SLC26A4: variants seen among roughly 807,000 people sequenced by gnomAD.
SLC26A4 encodes the protein solute carrier family 26 member 4.
In SLC26A4, 93 loss-of-function variants were observed where a neutral mutation model predicts 90.4. That is an observed-to-expected ratio of 1.03 (90% confidence interval 0.87 to 1.22). The LOEUF (loss-of-function observed/expected upper bound fraction) is 1.22, where lower values mean the gene tolerates loss of function less well. SLC26A4 is among the 50% of genes most tolerant of loss of function. The pLI is 0.00. For synonymous variants in SLC26A4, 393 were observed against 354.6 expected (o/e 1.11, Z -1.22); for missense variants, 1,127 against 946.2 (o/e 1.19, Z -2.51).
intron 10 of SLC26A4, among the ~76,000 whole-genome samples, chr7:107,694,018 C>T (rs1170809150): frequency 1.3e-5 from 2 of 152,148 alleles, no homozygotes; most frequent in African/African-American, 4.8e-5. Flanking sequence ...AAGAATACGA[C>T]AATGATCTCT....
At chr7:107,698,280 C>A (rs1295995714) in intron 14 of SLC26A4, among the ~76,000 whole-genome samples, 169 bp downstream of exon 14, 1 of 151,886 alleles carries the variant, frequency 6.6e-6, no homozygotes, top group Non-Finnish European at 1.5e-5. Flanking sequence ...TTCTGACACC[C>A]ATGGCTTATG....
In SLC26A4 at chr7:107,689,101, G is replaced by A. The variant is rs727504993; in HGVS notation, c.1050G>A (p.Leu350=). The A allele has an allele frequency of 2.4e-5, 38 of 1,613,842 alleles. No homozygotes were observed. The Middle Eastern group carries it at 1.8e-3, about 77-fold the overall frequency. The part of the protein sequence containing the change: ...LPPVSLFSEM[L]AASFSIAVVA... Reference sequence around the variant, plus strand: ...CTGTGAGCTTGTTCTCGGAGATGCTGGCTGCATCATTTTCCATCGCTGTGG... The same window carrying A: ...CTGTGAGCTTGTTCTCGGAGATGCTAGCTGCATCATTTTCCATCGCTGTGG... Residue 350 remains leucine, a synonymous_variant, in exon 9 of 21, where the codon CTG becomes CTA. Transcript: ENST00000644269.
At position 107,704,321 on chromosome 7, in the gene SLC26A4, T is replaced by G. The variant is rs778661976; in HGVS notation, c.2035-10T>G. The G allele has an allele frequency of 3.9e-6, 5 of 1,284,132 alleles. No individual in the cohort carries two copies. The Admixed American group carries it at 8.6e-5, about 22-fold the overall frequency. The allele number at this position is 1,284,132 out of a possible 1,614,324, so 79.5% of individuals were successfully genotyped here. A position where few individuals can be genotyped will look rare whatever the true frequency, so the allele number is the denominator to read the frequency against. ...GTTAATTGTTACAAACTCTCCTTTT[T>G]TATTTTTAGATTGTCAAAGAATTCC... On this transcript the variant is annotated splice_polypyrimidine_tract_variant and intron_variant, in intron 17 of 20. Coordinates refer to ENST00000644269, the MANE Select transcript of SLC26A4 (RefSeq NM_000441.2).
intron 10 of SLC26A4, chr7:107,692,036 T>C: frequency 7.8e-7 from 1 of 1,289,310 alleles, no homozygotes; most frequent in Non-Finnish European, 1.0e-6. Context: ...ATTCTCCTGA[T>C]GTTACCTCCA....
At chr7:107,663,197 G>C in intron 2 of SLC26A4, 99 bp from the exon 3 acceptor site, 1 of 1,300,344 alleles carries the variant, frequency 7.7e-7, no homozygotes, top group Non-Finnish European at 1.1e-6. Flanking sequence ...TTTCCAAATA[G>C]TTATAAACAT....
intron 12 of SLC26A4, among the ~76,000 whole-genome samples, chr7:107,695,210 A>G (rs1242532369): frequency 6.6e-6 from 1 of 152,150 alleles, no homozygotes; most frequent in Non-Finnish European, 1.5e-5. Context: ...TGATATGGAA[A>G]ATTTTCCAAG....
Position 107,661,702 on chromosome 7 carries a change from A to G in SLC26A4, c.61A>G (p.Met21Val), listed in dbSNP as rs375716219. Residue 21 changes from methionine to valine, a missense_variant, in exon 2 of 21, where the codon ATG (methionine) becomes GTG (valine). Transcript: ENST00000644269. The surrounding 1 kb of genome is among the most constrained non-coding windows in gnomAD (Gnocchi z 5.1). ...GCTCCCCGAGTACAGCTGCAGCTAC[A>G]TGGTGTCGCGGCCGGTCTACAGCGA... is the stretch of plus-strand genomic sequence containing the variant. ...PQLPEYSCSY[M>V]VSRPVYSELA... 47 of 1,571,020 alleles carry G rather than the reference A, an allele frequency of 3.0e-5. No homozygotes were observed. The highest frequency in any genetic ancestry group is 2.2e-4 in the African/African-American group (16 of 74,218).
At chr7:107,664,375 G>A (rs552815423) in intron 3 of SLC26A4, among the ~76,000 whole-genome samples, 3 of 152,330 alleles carry the variant, frequency 2.0e-5, no homozygotes, top group South Asian at 4.1e-4. Context: ...GGGGCTACAG[G>A]CATGTGCCAC....
chr7:107,672,568 G>A (rs1007049649), intron 4 of SLC26A4, among the ~76,000 whole-genome samples: 3 of 151,758 alleles, frequency 2.0e-5, no homozygotes, highest in Admixed American at 6.6e-5. Flanking sequence ...TTTTAAAAAC[G>A]TGATCAATTT....
intron 18 of SLC26A4, among the ~76,000 whole-genome samples, chr7:107,709,204 T>TC (rs1241274447): frequency 6.6e-6 from 1 of 152,170 alleles, no homozygotes; most frequent in African/African-American, 2.4e-5. Context: ...ACCTGCTTTC[T>TC]CCCCCAGTAA....
intron 18 of SLC26A4, among the ~76,000 whole-genome samples, chr7:107,708,837 A>C (rs1792102889): frequency 6.6e-6 from 1 of 150,694 alleles, no homozygotes. Context: ...AATATTGACA[A>C]TGGGGGGATG....
At chr7:107,697,897 GT>G in intron 13 of SLC26A4, 144 bp from the exon 14 acceptor site, 1 of 680,982 alleles carries the variant, frequency 1.5e-6, no homozygotes, top group South Asian at 1.6e-5. Context: ...TCATTTCAGA[GT>G]TAGCTACAGG....
At chr7:107,673,617 G>A (rs1790932770) in intron 4 of SLC26A4, among the ~76,000 whole-genome samples, 1 of 152,090 alleles carries the variant, frequency 6.6e-6, no homozygotes, top group African/African-American at 2.4e-5. Flanking sequence ...CAGGTTAGAC[G>A]ACCTTTTGAT....
At chr7:107,701,709 T>C in intron 16 of SLC26A4, 118 bp from the exon 17 acceptor site, 1 of 740,716 alleles carries the variant, frequency 1.4e-6, no homozygotes. Flanking sequence ...TAAAAATTCA[T>C]CTCCTTGATG....
intron 6 of SLC26A4, among the ~76,000 whole-genome samples, chr7:107,680,416 CTTATA>C (rs1228149530): frequency 1.0e-5 from 1 of 95,384 alleles, no homozygotes; most frequent in African/African-American, 5.3e-5. Context: ...ATTATATAAT[CTTATA>C]TTATTATATA....
intron 17 of SLC26A4, 25 bp downstream of exon 17, chr7:107,702,082 T>G: frequency 6.8e-7 from 1 of 1,467,430 alleles, no homozygotes; most frequent in Non-Finnish European, 9.6e-7. Flanking sequence ...TTCTGAATTA[T>G]ACATTTGGAG....
intron 3 of SLC26A4, among the ~76,000 whole-genome samples, chr7:107,664,357 G>A (rs144189247): frequency 1.3e-5 from 2 of 152,244 alleles, no homozygotes; most frequent in Admixed American, 1.3e-4. Flanking sequence ...TCAGCCTTCT[G>A]AGTAGCTGGG....
intron 8 of SLC26A4, among the ~76,000 whole-genome samples, chr7:107,686,330 A>C (rs1294300328): frequency 1.0e-3 from 74 of 71,586 alleles, no homozygotes; most frequent in South Asian, 5.4e-3. Context: ...TCCCTTTCCT[A>C]CCTGCACTCC....
intron 6 of SLC26A4, among the ~76,000 whole-genome samples, chr7:107,680,647 C>G (rs1230342296): frequency 2.6e-5 from 4 of 151,716 alleles, no homozygotes; most frequent in Non-Finnish European, 5.9e-5. Flanking sequence ...TACTCAGATA[C>G]CTTGCATGAT....
Sources: gnomAD v4.1 joint callset for allele counts (sites outside exome capture counted in the v4.1 genomes callset) on GRCh38, gnomAD v4.1.1 for gene constraint, Gnocchi (gnomAD v3.1) non-coding constraint, MANE v1.5 for transcripts, NCBI Gene and HGNC (gene_info 2026-07-23, HGNC 2026-07-21) for gene names.